Variants in ADAM2 observed in about 807,000 individuals in gnomAD.
ADAM2 encodes the protein ADAM metallopeptidase domain 2, also known as disintegrin and metalloproteinase domain-containing protein 2.
Under a neutral mutation model 99.3 loss-of-function variants are expected in ADAM2, and 101 were observed. The observed-to-expected ratio is 1.02, with a 90% CI of 0.87 to 1.20. The LOEUF (loss-of-function observed/expected upper bound fraction) is 1.20. ADAM2 is among the 50% of genes most tolerant of loss of function. The pLI, the probability that ADAM2 is intolerant of heterozygous loss-of-function variation, is 0.00. For synonymous variants in ADAM2, 323 were observed against 287.6 expected, an observed-to-expected ratio of 1.12 and a Z score of -1.25; for missense variants, 948 against 878.7, an observed-to-expected ratio of 1.08 and a Z score of -1.00.
At chr8:39,820,888 G>A (rs974556920) in intron 6 of ADAM2, 114 bp downstream of exon 6, 8 of 589,802 alleles carry the variant, frequency 1.4e-5, no homozygotes, top group Non-Finnish European at 2.0e-5. Context: ...CATACATGTG[G>A]CTATATGTTT....
intron 15 of ADAM2, among the ~76,000 whole-genome samples, chr8:39,756,318 T>C (rs772136826): frequency 3.9e-5 from 6 of 152,298 alleles, no homozygotes; most frequent in Middle Eastern, 3.4e-3. Context: ...AATGAAGATT[T>C]CAAGGTCACT....
intron 8 of ADAM2, 131 bp from the exon 9 acceptor site, chr8:39,788,382 T>C: frequency 1.7e-6 from 1 of 587,408 alleles, no homozygotes; most frequent in Non-Finnish European, 2.7e-6. Flanking sequence ...TCTTTTAAAG[T>C]AGATTAGTAA....
At chr8:39,794,009 G>T (rs1803834099) in intron 7 of ADAM2, among the ~76,000 whole-genome samples, 1 of 152,124 alleles carries the variant, frequency 6.6e-6, no homozygotes, top group Non-Finnish European at 1.5e-5. Flanking sequence ...TTAAAAGTCT[G>T]TTTTAGCCAT....
At chr8:39,791,424 G>A (rs1677787886) in intron 7 of ADAM2, among the ~76,000 whole-genome samples, 1 of 152,046 alleles carries the variant, frequency 6.6e-6, no homozygotes, top group African/African-American at 2.4e-5. Flanking sequence ...TTGAAAATCA[G>A]TTAGATCTTT....
chr8:39,773,091 G>C (rs559203920), intron 11 of ADAM2, among the ~76,000 whole-genome samples: 89 of 151,912 alleles, frequency 5.9e-4, no homozygotes, highest in African/African-American at 2.1e-3. Context: ...CATCTAGAAA[G>C]TATATTTTTG....
intron 4 of ADAM2, among the ~76,000 whole-genome samples, chr8:39,822,565 A>T (rs1350324766): frequency 1.3e-5 from 2 of 152,028 alleles, no homozygotes; most frequent in Admixed American, 1.3e-4. Context: ...GCACTTGAAA[A>T]GTATGTGTAT....
intron 6 of ADAM2, among the ~76,000 whole-genome samples, chr8:39,811,658 C>T (rs1389937928): frequency 6.6e-6 from 1 of 152,162 alleles, no homozygotes; most frequent in Non-Finnish European, 1.5e-5. Context: ...AGCATATAAA[C>T]AGAACCAAAG....
chr8:39,767,253 TG>T lies in ADAM2; in HGVS notation c.1213-3del. 2 of 1,598,300 alleles carry T rather than the reference TG, an allele frequency of 1.3e-6. No individual in the cohort carries two copies. Among genetic ancestry groups the T allele is most frequent in the Non-Finnish European group, 1.7e-6 (2 of 1,173,156 alleles). On this transcript the variant is annotated splice_polypyrimidine_tract_variant and splice_region_variant and intron_variant, in intron 12 of 20. Coordinates refer to ENST00000265708, the MANE Select transcript of ADAM2 (RefSeq NM_001464.5). ...TGTTTCTCCAATAAGGGCACAATCC[TG>T]TAAGGCAAATCAAATGCTCTGAAGT...
chr8:39,831,034 GCA>G (rs1563386745), intron 3 of ADAM2, among the ~76,000 whole-genome samples: 1 of 152,102 alleles, frequency 6.6e-6, no homozygotes, highest in African/African-American at 2.4e-5. Flanking sequence ...CCTTCACCAG[GCA>G]CTGAATCTGC....
chr8:39,792,426 G>T (rs1803758174), intron 7 of ADAM2, among the ~76,000 whole-genome samples: 1 of 151,908 alleles, frequency 6.6e-6, no homozygotes, highest in South Asian at 2.1e-4. Context: ...TTCTAAAATA[G>T]CTTCACTAAA....
chr8:39,775,598 A>G (rs756956063), intron 11 of ADAM2, among the ~76,000 whole-genome samples: 2 of 152,156 alleles, frequency 1.3e-5, no homozygotes, highest in Non-Finnish European at 2.9e-5. Flanking sequence ...CTTTTAAAAA[A>G]TACTTCAACT....
chr8:39,806,248 A>G (rs1044688648), intron 7 of ADAM2, among the ~76,000 whole-genome samples: 1 of 152,004 alleles, frequency 6.6e-6, no homozygotes, highest in Non-Finnish European at 1.5e-5. Context: ...GGCTCAAAAA[A>G]TGAAAACGGG....
At chr8:39,761,021 G>T (rs1321577451) in intron 15 of ADAM2, among the ~76,000 whole-genome samples, 155 bp downstream of exon 15, 1 of 151,936 alleles carries the variant, frequency 6.6e-6, no homozygotes, top group African/African-American at 2.4e-5. Flanking sequence ...GGTTATAGGA[G>T]AGGAGAAATG....
intron 16 of ADAM2, among the ~76,000 whole-genome samples, chr8:39,754,284 C>G (rs966387701): frequency 1.3e-5 from 2 of 152,130 alleles, no homozygotes; most frequent in African/African-American, 4.8e-5. Context: ...GGATCACAAA[C>G]AAGATCTATA....
intron 4 of ADAM2, among the ~76,000 whole-genome samples, chr8:39,824,582 A>G (rs970314082): frequency 6.6e-6 from 1 of 152,208 alleles, no homozygotes; most frequent in Non-Finnish European, 1.5e-5. Flanking sequence ...CCTCAGGTAC[A>G]TAAGCCCTTA....
At chr8:39,762,842 A>G (rs1233030938) in intron 14 of ADAM2, among the ~76,000 whole-genome samples, 1 of 152,264 alleles carries the variant, frequency 6.6e-6, no homozygotes, top group Non-Finnish European at 1.5e-5. Flanking sequence ...AAAATTTTAT[A>G]TACAATAAAA....
chr8:39,820,775 A>T (rs1805141893), intron 6 of ADAM2, among the ~76,000 whole-genome samples: 1 of 152,292 alleles, frequency 6.6e-6, no homozygotes, highest in South Asian at 2.1e-4. Context: ...ACAGAAAAAG[A>T]TGCCACTAAC....
chr8:39,820,572 C>T (rs958137557), intron 6 of ADAM2, among the ~76,000 whole-genome samples: 6 of 152,058 alleles, frequency 3.9e-5, no homozygotes, highest in Non-Finnish European at 5.9e-5. Context: ...ATTAAATAAC[C>T]CTGAATCCCC....
chr8:39,805,974 A>C (rs932279419), intron 7 of ADAM2, among the ~76,000 whole-genome samples: 2 of 152,180 alleles, frequency 1.3e-5, no homozygotes, highest in African/African-American at 4.8e-5. Flanking sequence ...ATATATATGA[A>C]GTAGCATCCA....
Sources: allele counts gnomAD v4.1 joint callset (sites outside exome capture counted in the v4.1 genomes callset), GRCh38; gene constraint gnomAD v4.1.1; transcripts MANE v1.5; gene names NCBI Gene and HGNC (gene_info 2026-07-23, HGNC 2026-07-21).